TENM4: variants seen among roughly 807,000 people sequenced by gnomAD.
The protein encoded by TENM4 is teneurin-4.
In TENM4, 82 loss-of-function variants were observed where a neutral mutation model predicts 243.3. The ratio of observed to expected loss-of-function variants is 0.34; its 90% CI spans 0.28 to 0.40. The LOEUF is 0.40. TENM4 is among the 10% of genes least tolerant of loss of function. The probability of loss-of-function intolerance (pLI) is 1.00; values close to 1 mark genes in which losing one functional copy is unlikely to be tolerated. For missense variants in TENM4, 3,138 were observed against 3,673.3 expected (o/e 0.85, Z 3.77); for synonymous variants, 1,412 against 1,456.3 (o/e 0.97, Z 0.69).
At chr11:79,198,912 C>T (rs1863688220) in intron 3 of TENM4, among the ~76,000 whole-genome samples, 1 of 152,158 alleles carries the variant, frequency 6.6e-6, no homozygotes, top group Admixed American at 6.5e-5. Context: ...GAAATCAGAG[C>T]AGCCCTCTCT....
chr11:78,826,112 A>C (rs1298124151), intron 12 of TENM4, among the ~76,000 whole-genome samples: 3 of 68,786 alleles, frequency 4.4e-5, no homozygotes, highest in Non-Finnish European at 5.4e-5. Flanking sequence ...TTTGAGACGG[A>C]GTTTTGCTCT....
intron 1 of TENM4, among the ~76,000 whole-genome samples, chr11:79,399,451 A>G (rs1171487760): frequency 6.6e-6 from 1 of 152,182 alleles, no homozygotes; most frequent in African/African-American, 2.4e-5. Context: ...GGAGTGGGAG[A>G]GCAATAAGTT....
chr11:79,102,128 G>A (rs1041438941), intron 4 of TENM4, among the ~76,000 whole-genome samples: 14 of 152,352 alleles, frequency 9.2e-5, no homozygotes, highest in African/African-American at 2.6e-4. Context: ...AGAATTAAAT[G>A]AGTTGGTATG....
intron 6 of TENM4, among the ~76,000 whole-genome samples, chr11:78,909,581 G>T (rs1226213447): frequency 6.6e-6 from 1 of 152,238 alleles, no homozygotes. Flanking sequence ...CACTTTCCAA[G>T]TGTCGACCAC....
chr11:79,089,903 A>G (rs1011528357), intron 4 of TENM4, among the ~76,000 whole-genome samples: 1 of 152,190 alleles, frequency 6.6e-6, no homozygotes, highest in East Asian at 1.9e-4. Flanking sequence ...GCTCTACATC[A>G]CAGCACTTCT....
intron 4 of TENM4, among the ~76,000 whole-genome samples, chr11:79,094,974 A>G: frequency 6.6e-6 from 1 of 152,212 alleles, no homozygotes; most frequent in East Asian, 1.9e-4. Context: ...GGACAGGGGC[A>G]GATCTGTCCC....
chr11:79,209,589 C>T (rs1233806972), intron 3 of TENM4, among the ~76,000 whole-genome samples: 4 of 152,180 alleles, frequency 2.6e-5, no homozygotes, highest in East Asian at 1.9e-4. Flanking sequence ...GGGGAGGCCG[C>T]GGGCATCCTG....
chr11:79,179,502 C>T (rs1863239898), intron 3 of TENM4, among the ~76,000 whole-genome samples: 1 of 151,966 alleles, frequency 6.6e-6, no homozygotes, highest in Admixed American at 6.6e-5. Context: ...AAACTGGAGG[C>T]CTTCAAAACA....
intron 6 of TENM4, among the ~76,000 whole-genome samples, chr11:78,934,111 A>G (rs1169129074): frequency 2.0e-5 from 3 of 152,158 alleles, no homozygotes; most frequent in Admixed American, 2.0e-4. Flanking sequence ...TGACAAAAAT[A>G]AAGACCAATA....
At chr11:78,941,873 T>C (rs1856903477) in intron 6 of TENM4, among the ~76,000 whole-genome samples, 1 of 152,126 alleles carries the variant, frequency 6.6e-6, no homozygotes, top group Admixed American at 6.5e-5. Flanking sequence ...GAGCACCTAC[T>C]GTGTGCCAGG....
intron 3 of TENM4, among the ~76,000 whole-genome samples, chr11:79,209,367 T>A (rs896417887): frequency 2.0e-5 from 3 of 152,204 alleles, no homozygotes; most frequent in African/African-American, 7.2e-5. Flanking sequence ...TCCCAAAGCA[T>A]GGGAGCCCTG....
At chr11:78,900,847 C>A (rs113536843) in intron 7 of TENM4, among the ~76,000 whole-genome samples, 1 of 152,144 alleles carries the variant, frequency 6.6e-6, no homozygotes, top group Non-Finnish European at 1.5e-5. Flanking sequence ...CCTCCTAAAC[C>A]GTGCCTTGTT....
At position 79,144,567 on chromosome 11, in the gene TENM4, G is replaced by A. The variant is rs1862359822; in HGVS notation, c.-66+4143C>T. Among the ~76,000 whole-genome samples the A allele has an allele frequency of 5.3e-5, 8 of 152,044 alleles. No homozygotes were observed. The South Asian group carries it at 1.7e-3, about 32-fold the overall frequency. On this transcript the variant is annotated intron_variant, in intron 4 of 33. Coordinates refer to ENST00000278550, the MANE Select transcript of TENM4 (RefSeq NM_001098816.3). ...CAGATGAATGGATAAAGAAAATATGGAACATATTCACAATGGAGTAATATT... is the reference window on the plus strand; with the variant it reads ...CAGATGAATGGATAAAGAAAATATGAAACATATTCACAATGGAGTAATATT...
At chr11:78,948,023 C>T (rs1857037653) in intron 6 of TENM4, among the ~76,000 whole-genome samples, 1 of 152,112 alleles carries the variant, frequency 6.6e-6, no homozygotes, top group South Asian at 2.1e-4. Context: ...TTTCCAAAAC[C>T]CAATTGCTAT....
At chr11:79,019,906 T>A (rs1858882728) in intron 6 of TENM4, among the ~76,000 whole-genome samples, 2 of 152,118 alleles carry the variant, frequency 1.3e-5, no homozygotes, top group Admixed American at 6.5e-5. Context: ...GGGTGGGGAA[T>A]AAAGGTGAAA....
chr11:78,949,017 A>G (rs1348702718), intron 6 of TENM4, among the ~76,000 whole-genome samples: 1 of 152,184 alleles, frequency 6.6e-6, no homozygotes, highest in Admixed American at 6.5e-5. Context: ...TAAGGTGGTG[A>G]TTCCTAATCT....
intron 4 of TENM4, among the ~76,000 whole-genome samples, chr11:79,145,036 C>T (rs773350847): frequency 3.3e-5 from 5 of 151,730 alleles, no homozygotes; most frequent in African/African-American, 1.2e-4. Flanking sequence ...AAATATCTCA[C>T]GTGCCCCATA....
chr11:78,874,154 TAG>T (rs1274514919), intron 9 of TENM4, among the ~76,000 whole-genome samples: 1 of 152,006 alleles, frequency 6.6e-6, no homozygotes, highest in Non-Finnish European at 1.5e-5. Flanking sequence ...AACAGATCTG[TAG>T]AGAGACAGTA....
chr11:79,274,336 G>T (rs1210191303), intron 2 of TENM4, among the ~76,000 whole-genome samples: 1 of 152,346 alleles, frequency 6.6e-6, no homozygotes, highest in Admixed American at 6.5e-5. Flanking sequence ...TGCAAAGGCT[G>T]AGATGACATG....
Sources: allele counts gnomAD v4.1 joint callset (sites outside exome capture counted in the v4.1 genomes callset), GRCh38; gene constraint gnomAD v4.1.1; transcripts MANE v1.5; gene names NCBI Gene and HGNC (gene_info 2026-07-23, HGNC 2026-07-21).